The following FUNDC2 variants were observed in gnomAD, a reference collection of about 807,000 sequenced individuals.
The protein encoded by FUNDC2 is FUN14 domain containing 2.
A neutral mutation model predicts 15.6 loss-of-function variants in FUNDC2; 4 were observed. The ratio of observed to expected loss-of-function variants is 0.26; its 90% CI spans 0.13 to 0.59. The LOEUF is 0.59. Among genes scored for constraint, FUNDC2 ranks in the 20% least tolerant of loss-of-function variants. The pLI is 0.90. For missense variants in FUNDC2, 98 were observed against 149.7 expected (o/e 0.65, Z 1.80); for synonymous variants, 44 against 56.9 (o/e 0.77, Z 1.02).
In FUNDC2 at chrX:155,026,899, C is replaced by T. The variant is rs1468982539; in HGVS notation, c.-40C>T. 1.7e-6 allele frequency: 2 copies of T among 1,163,354 alleles called. No individual in the cohort carries two copies. The highest frequency in any genetic ancestry group is 1.8e-5 in the African/African-American group (1 of 55,925). Reference sequence around the variant, plus strand: ...CGCTTGCGGAGACTGCAAGCAGCCGCGGCGCGCCCGGCCCTCCCTCTTCCG... The same window carrying T: ...CGCTTGCGGAGACTGCAAGCAGCCGTGGCGCGCCCGGCCCTCCCTCTTCCG... On this transcript the variant is annotated 5_prime_UTR_variant, in exon 1 of 5. Coordinates refer to ENST00000369498, the MANE Select transcript of FUNDC2 (RefSeq NM_023934.4).
rs1569560300 is a variant in FUNDC2 at position 155,057,046 on chromosome X, AGT to A, written c.*2375_*2376del. ...TATTGCAGGTTGGCCTCATCCTGCT[AGT>A]ATGAGAACGGCTGTGAGTTCTGCCC... On this transcript the variant is annotated 3_prime_UTR_variant, in exon 5 of 5. Coordinates refer to ENST00000369498, the MANE Select transcript of FUNDC2 (RefSeq NM_023934.4). 3.1e-5 allele frequency: 3 copies of A among 96,908 alleles called. No individual in the cohort carries two copies. The highest frequency in any genetic ancestry group is 6.7e-5 in the Non-Finnish European group (3 of 44,734). The allele number at this position is 96,908 out of a possible 1,213,427, so 8.0% of individuals were successfully genotyped here.
chrX:155,058,723 A>G lies in FUNDC2; in HGVS notation c.*4051A>G, dbSNP rs1040828087. On this transcript the variant is annotated 3_prime_UTR_variant, in exon 5 of 5. Coordinates refer to ENST00000369498, the MANE Select transcript of FUNDC2 (RefSeq NM_023934.4). ...TAACATCTGAGTAATTGGGCAGAAAACCTATTTTAGTTCTGAGCCTGATTT... is the reference window on the plus strand; with the variant it reads ...TAACATCTGAGTAATTGGGCAGAAAGCCTATTTTAGTTCTGAGCCTGATTT... The G allele has an allele frequency of 9.1e-6, 1 of 109,629 alleles. No individual in the cohort carries two copies. The highest frequency in any genetic ancestry group is 3.3e-5 in the African/African-American group (1 of 30,077). The allele number at this position is 109,629 out of a possible 1,213,427, so 9.0% of individuals were successfully genotyped here. A position where few individuals can be genotyped will look rare whatever the true frequency, so the allele number is the denominator to read the frequency against.
intron 1 of FUNDC2, among the ~76,000 whole-genome samples, chrX:155,027,525 A>G (rs781949866): frequency 3.6e-5 from 4 of 112,524 alleles, no homozygotes; most frequent in African/African-American, 1.3e-4. Flanking sequence ...TAGTCGGCAT[A>G]GTCAAAGATT....
intron 2 of FUNDC2, among the ~76,000 whole-genome samples, chrX:155,039,866 T>C (rs1177849184): frequency 1.8e-5 from 2 of 112,166 alleles, no homozygotes; most frequent in Non-Finnish European, 3.8e-5. Flanking sequence ...GGATTTTTTT[T>C]CCTCTTTCTG....
At chrX:155,035,571 C>T (rs1240444775) in intron 2 of FUNDC2, among the ~76,000 whole-genome samples, 14 of 112,069 alleles carry the variant, frequency 1.2e-4, no homozygotes, top group Admixed American at 9.5e-5. Context: ...TGCCATCCTC[C>T]CGCCACTGAT....
At chrX:155,028,051 G>A (rs2073800933) in intron 1 of FUNDC2, among the ~76,000 whole-genome samples, 1 of 111,213 alleles carries the variant, frequency 9.0e-6, no homozygotes, top group Admixed American at 9.4e-5. Context: ...AGAGCAGACT[G>A]CTCTTATAGA....
At chrX:155,034,406 A>C (rs1557288992) in intron 2 of FUNDC2, among the ~76,000 whole-genome samples, 1 of 112,398 alleles carries the variant, frequency 8.9e-6, no homozygotes. Flanking sequence ...CATTATGTGA[A>C]TATACCACAG....
chrX:155,042,186 T>TTTTTTTTG, intron 2 of FUNDC2, among the ~76,000 whole-genome samples: 1 of 76,176 alleles, frequency 1.3e-5, no homozygotes, highest in African/African-American at 5.2e-5. Context: ...TTTTTTTTTT[T>TTTTTTTTG]TTTTTTTTTT....
intron 2 of FUNDC2, among the ~76,000 whole-genome samples, chrX:155,042,896 A>G (rs2124192921): frequency 9.0e-6 from 1 of 110,639 alleles, no homozygotes; most frequent in South Asian, 3.8e-4. Flanking sequence ...AAACTGCTAT[A>G]TTTTTCGTCT....
rs1353194327 is a variant in FUNDC2 at position 155,056,360 on chromosome X, C to T, written c.*1688C>T. 3 of 111,477 alleles carry T rather than the reference C, an allele frequency of 2.7e-5. No individual in the cohort carries two copies. Among genetic ancestry groups the T allele is most frequent in the Non-Finnish European group, 5.6e-5 (3 of 53,136 alleles). The allele number at this position is 111,477 out of a possible 1,213,427, so 9.2% of individuals were successfully genotyped here. A position where few individuals can be genotyped will look rare whatever the true frequency, so the allele number is the denominator to read the frequency against. On this transcript the variant is annotated 3_prime_UTR_variant, in exon 5 of 5. Coordinates refer to ENST00000369498, the MANE Select transcript of FUNDC2 (RefSeq NM_023934.4). Reference sequence around the variant, plus strand: ...TTTCTAAAAATCATAAATACCTCATCATATCAGACATTAACAGTAATTACA... The same window carrying T: ...TTTCTAAAAATCATAAATACCTCATTATATCAGACATTAACAGTAATTACA...
chrX:155,027,044 C>T lies in FUNDC2; in HGVS notation c.106C>T (p.Leu36Phe). The change falls in exon 1 of 5, where the codon CTC (leucine) becomes TTC (phenylalanine). Residue 36 changes from leucine (L) to phenylalanine (F), a missense_variant. By Grantham distance (22) the Leu-to-Phe change is conservative. Transcript: ENST00000369498. ...DPLRVSSRDK[L>F]TEMAASSQGN... ...TCTACGTGTGTCCTCGCGAGACAAG[C>T]TCACCGAAATGGCCGCGTCCAGTCA... 1 of 1,193,980 alleles carries T rather than the reference C, an allele frequency of 8.4e-7. No individual in the cohort carries two copies. Among genetic ancestry groups the T allele is most frequent in the Non-Finnish European group, 1.1e-6 (1 of 885,162 alleles).
rs2073901927 is a variant in FUNDC2 at position 155,056,885 on chromosome X, T to TG, written c.*2213_*2214insG. 1 of 111,540 alleles carries TG rather than the reference T, an allele frequency of 9.0e-6. No individual in the cohort carries two copies. Among genetic ancestry groups the TG allele is most frequent in the Non-Finnish European group, 1.9e-5 (1 of 52,969 alleles). 9.2% of individuals were successfully genotyped at this position (111,540 alleles called of 1,213,427 possible). The stretch of plus-strand genomic sequence containing the variant: ...GATTAGCAGGTGGTTGTAAACTACC[T>TG]TGAGTAGGTTGTAATAAATAGTCTG... On this transcript the variant is annotated 3_prime_UTR_variant, in exon 5 of 5. Coordinates refer to ENST00000369498, the MANE Select transcript of FUNDC2 (RefSeq NM_023934.4).
Position 155,057,427 on chromosome X carries a change from TC to T in FUNDC2, c.*2757del, listed in dbSNP as rs2073910521. 9.0e-6 allele frequency: 1 copy of T among 111,369 alleles called. No individual in the cohort carries two copies. The highest frequency in any genetic ancestry group is 1.9e-5 in the Non-Finnish European group (1 of 52,563). The allele number at this position is 111,369 out of a possible 1,213,427, so 9.2% of individuals were successfully genotyped here. On this transcript the variant is annotated 3_prime_UTR_variant, in exon 5 of 5. Coordinates refer to ENST00000369498, the MANE Select transcript of FUNDC2 (RefSeq NM_023934.4). ...GCAGAGTCCAATGACGCTCTGGACT[TC>T]CTAATTAGTGGTGGTGGGGCGGAAG...
At chrX:155,032,196 A>G (rs2073817352) in intron 1 of FUNDC2, among the ~76,000 whole-genome samples, 1 of 109,811 alleles carries the variant, frequency 9.1e-6, no homozygotes, top group South Asian at 3.9e-4. Flanking sequence ...GGCTGGCCTC[A>G]AACTCCTGAC....
At chrX:155,043,843 T>C (rs2073854619) in intron 2 of FUNDC2, among the ~76,000 whole-genome samples, 1 of 112,490 alleles carries the variant, frequency 8.9e-6, no homozygotes, top group Non-Finnish European at 1.9e-5. Context: ...TAAAAAAGAT[T>C]AAAAGTCTTA....
Position 155,034,838 on chromosome X carries a change from G to A in FUNDC2, c.284+1285G>A, listed in dbSNP as rs978391389. On this transcript the variant is annotated intron_variant, in intron 2 of 4. Transcript: ENST00000369498. ...AGGAGTGACATTGATCGACTTTTACGTATGTTTGTTGACCATTTGGATCTC... is the reference window on the plus strand; with the variant it reads ...AGGAGTGACATTGATCGACTTTTACATATGTTTGTTGACCATTTGGATCTC... 1.3e-4 allele frequency among the ~76,000 whole-genome samples: 14 copies of A among 111,805 alleles called. No homozygotes were observed. The East Asian group carries it at 1.4e-3, about 11-fold the overall frequency.
intron 1 of FUNDC2, among the ~76,000 whole-genome samples, chrX:155,029,274 G>A (rs2073806658): frequency 8.9e-6 from 1 of 112,053 alleles, no homozygotes; most frequent in Non-Finnish European, 1.9e-5. Context: ...CCTCAGACAT[G>A]AAACAAAGAC....
intron 3 of FUNDC2, chrX:155,050,272 GT>G (rs1375430548): frequency 8.9e-6 from 1 of 111,790 alleles, no homozygotes; most frequent in Non-Finnish European, 1.9e-5. Flanking sequence ...TTCTCTGAGA[GT>G]TTTATCATGA....
rs1557291322 is a variant in FUNDC2 at position 155,058,314 on chromosome X, T to A, written c.*3642T>A. 8.9e-6 allele frequency: 1 copy of A among 111,935 alleles called. No homozygotes were observed. Among genetic ancestry groups the A allele is most frequent in the Admixed American group, 9.5e-5 (1 of 10,570 alleles). The allele number at this position is 111,935 out of a possible 1,213,427, so 9.2% of individuals were successfully genotyped here. On this transcript the variant is annotated 3_prime_UTR_variant, in exon 5 of 5. Transcript: ENST00000369498. Reference sequence around the variant, plus strand: ...CTGGTTTTGGAAAGCAAAGTTACTGTGTAGTTAACAACTATTGTGGTAAGA... The same window carrying A: ...CTGGTTTTGGAAAGCAAAGTTACTGAGTAGTTAACAACTATTGTGGTAAGA...
Sources: allele counts gnomAD v4.1 joint callset (sites outside exome capture counted in the v4.1 genomes callset), GRCh38; gene constraint gnomAD v4.1.1; transcripts MANE v1.5; gene names NCBI Gene and HGNC (gene_info 2026-07-23, HGNC 2026-07-21).